Variants in MIPOL1 observed in about 807,000 individuals in gnomAD.
MIPOL1 encodes the protein mirror-image polydactyly 1, also known as mirror-image polydactyly gene 1 protein.
Under a neutral mutation model 60.9 loss-of-function variants are expected in MIPOL1, and 57 were observed. The observed-to-expected ratio is 0.94, with a 90% CI of 0.76 to 1.17. The LOEUF (loss-of-function observed/expected upper bound fraction) is 1.17, where lower values mean the gene tolerates loss of function less well. MIPOL1 is among the 50% of genes most tolerant of loss of function. The pLI, the probability that MIPOL1 is intolerant of heterozygous loss-of-function variation, is 0.00. For missense variants in MIPOL1, 551 were observed against 511.6 expected (o/e 1.08, Z -0.74); for synonymous variants, 179 against 168.8 (o/e 1.06, Z -0.47).
At chr14:37,410,911 TATAAC>T (rs200452285) in intron 10 of MIPOL1, among the ~76,000 whole-genome samples, 84 of 152,168 alleles carry the variant, frequency 5.5e-4, no homozygotes, top group East Asian at 4.8e-3. Context: ...ATTTTAAAAA[TATAAC>T]ATAGAACTAG....
At chr14:37,386,864 C>G (rs1440231256) in intron 10 of MIPOL1, among the ~76,000 whole-genome samples, 1 of 151,878 alleles carries the variant, frequency 6.6e-6, no homozygotes, top group Non-Finnish European at 1.5e-5. Flanking sequence ...CGTTCATACT[C>G]CATAATGGCT....
intron 7 of MIPOL1, among the ~76,000 whole-genome samples, chr14:37,293,724 C>T (rs961458981): frequency 6.6e-6 from 1 of 152,122 alleles, no homozygotes; most frequent in Non-Finnish European, 1.5e-5. Context: ...GCACAGTAGT[C>T]TGAGATCAAA....
At chr14:37,535,910 T>G (rs181257100) in intron 12 of MIPOL1, among the ~76,000 whole-genome samples, 192 of 152,272 alleles carry the variant, frequency 1.3e-3, no homozygotes, top group African/African-American at 4.2e-3. Flanking sequence ...GTCCCTTTCT[T>G]TTCTTTTGGA....
chr14:37,489,626 G>T (rs59169697), intron 11 of MIPOL1, among the ~76,000 whole-genome samples: 4,036 of 152,152 alleles, frequency 0.027, 161 homozygotes, highest in East Asian at 0.15. Context: ...CTTCGGATTG[G>T]GTCTCTGACT....
At chr14:37,386,078 A>G (rs191324153) in intron 10 of MIPOL1, among the ~76,000 whole-genome samples, 163 of 152,138 alleles carry the variant, frequency 1.1e-3, no homozygotes, top group African/African-American at 3.8e-3. Flanking sequence ...GTTTCAGCCT[A>G]CCTGTCATCT....
chr14:37,233,277 A>G (rs1423359102), intron 1 of MIPOL1, among the ~76,000 whole-genome samples: 2 of 152,196 alleles, frequency 1.3e-5, no homozygotes, highest in South Asian at 2.1e-4. Context: ...CCTGAGTGCA[A>G]TTTAAATATA....
intron 1 of MIPOL1, among the ~76,000 whole-genome samples, chr14:37,215,515 G>A (rs1955755): frequency 1 from 152,153 of 152,296 alleles, 76,005 homozygotes; most frequent in Middle Eastern, 1. Flanking sequence ...GCAAGAAACT[G>A]GATGACATCA....
chr14:37,538,642 A>G (rs1413219261), intron 12 of MIPOL1, among the ~76,000 whole-genome samples: 1 of 152,190 alleles, frequency 6.6e-6, no homozygotes. Flanking sequence ...CACCCTTTGA[A>G]TCTGGGCTGG....
At chr14:37,424,440 A>G (rs1306622464) in intron 11 of MIPOL1, among the ~76,000 whole-genome samples, 1 of 152,122 alleles carries the variant, frequency 6.6e-6, no homozygotes, top group Admixed American at 6.6e-5. Context: ...AGGAGGGCCA[A>G]CAATTGCTGG....
At chr14:37,250,232 A>C (rs576350711) in intron 3 of MIPOL1, among the ~76,000 whole-genome samples, 2 of 152,172 alleles carry the variant, frequency 1.3e-5, no homozygotes, top group Admixed American at 1.3e-4. Context: ...ATTCCCTTTT[A>C]TAAGGATCCA....
At chr14:37,221,736 T>A (rs1017589775) in intron 1 of MIPOL1, among the ~76,000 whole-genome samples, 4 of 152,136 alleles carry the variant, frequency 2.6e-5, no homozygotes, top group African/African-American at 9.7e-5. Context: ...CTAATTACCT[T>A]CCACAAGGAC....
chr14:37,251,062 T>TA (rs1208246925), intron 3 of MIPOL1, among the ~76,000 whole-genome samples: 20 of 152,066 alleles, frequency 1.3e-4, no homozygotes, highest in Non-Finnish European at 2.9e-4. Flanking sequence ...AGTTTTTTTT[T>TA]ATATGTATAT....
intron 7 of MIPOL1, among the ~76,000 whole-genome samples, chr14:37,307,334 T>C (rs184120291): frequency 9.2e-5 from 14 of 152,112 alleles, no homozygotes; most frequent in African/African-American, 3.4e-4. Flanking sequence ...ATAGACATTT[T>C]GTAGGTAATT....
chr14:37,332,054 C>G (rs2089737086), intron 9 of MIPOL1, among the ~76,000 whole-genome samples: 1 of 152,072 alleles, frequency 6.6e-6, no homozygotes, highest in East Asian at 1.9e-4. Context: ...AGGAGAATCA[C>G]TTGAAACTGG....
At chr14:37,394,547 C>G (rs746783245) in intron 10 of MIPOL1, among the ~76,000 whole-genome samples, 2 of 151,778 alleles carry the variant, frequency 1.3e-5, no homozygotes, top group Non-Finnish European at 2.9e-5. Context: ...GTTTGTTGGC[C>G]ATTTGTATAT....
intron 1 of MIPOL1, among the ~76,000 whole-genome samples, chr14:37,218,136 A>G (rs1374215387): frequency 5.3e-5 from 8 of 151,572 alleles, no homozygotes; most frequent in Admixed American, 5.3e-4. Flanking sequence ...ATTTTTAGTT[A>G]TTGTGGTAAG....
intron 6 of MIPOL1, among the ~76,000 whole-genome samples, chr14:37,279,984 T>C (rs1299853482): frequency 1.3e-5 from 2 of 152,140 alleles, no homozygotes; most frequent in East Asian, 3.9e-4. Context: ...TGTTCTACTC[T>C]TTACTTATGT....
chr14:37,234,811 T>C (rs1971187370), intron 1 of MIPOL1, among the ~76,000 whole-genome samples: 1 of 151,928 alleles, frequency 6.6e-6, no homozygotes, highest in African/African-American at 2.4e-5. Context: ...AGTCTCACTC[T>C]GTCACCCAGG....
intron 7 of MIPOL1, among the ~76,000 whole-genome samples, chr14:37,295,584 G>A (rs936814130): frequency 1.3e-5 from 2 of 151,978 alleles, no homozygotes; most frequent in African/African-American, 2.4e-5. Context: ...ACACACATAG[G>A]CTCAAAATAA....
Sources: gnomAD v4.1 joint callset for allele counts (sites outside exome capture counted in the v4.1 genomes callset) on GRCh38, gnomAD v4.1.1 for gene constraint, MANE v1.5 for transcripts, NCBI Gene and HGNC (gene_info 2026-07-23, HGNC 2026-07-21) for gene names.